AGBL1: variants seen among roughly 807,000 people sequenced by gnomAD.
AGBL1 encodes cytosolic carboxypeptidase 4.
Under a neutral mutation model 118.9 loss-of-function variants are expected in AGBL1, and 130 were observed. The observed-to-expected ratio is 1.09, with a 90% CI of 0.95 to 1.26. AGBL1 has a LOEUF of 1.26. Ranked by LOEUF, AGBL1 falls within the 50% of genes most tolerant of loss-of-function variation. The pLI, the probability that AGBL1 is intolerant of heterozygous loss-of-function variation, is 0.00. For missense variants in AGBL1, 1,584 were observed against 1,298.1 expected (o/e 1.22, Z -3.38); for synonymous variants, 555 against 478.9 (o/e 1.16, Z -2.08).
At chr15:86,504,839 C>A (rs1048436355) in intron 18 of AGBL1, among the ~76,000 whole-genome samples, 1 of 151,546 alleles carries the variant, frequency 6.6e-6, no homozygotes, top group East Asian at 1.9e-4. Flanking sequence ...TTTATATTTA[C>A]GTATGTATTA....
intron 22 of AGBL1, among the ~76,000 whole-genome samples, chr15:86,895,084 T>TTATC (rs780347947): frequency 1.6e-4 from 25 of 152,026 alleles, no homozygotes; most frequent in Non-Finnish European, 2.5e-4. Flanking sequence ...TCCCTTTCTT[T>TTATC]TATCTTCCCT....
At chr15:86,555,903 A>G (rs2083726994) in intron 21 of AGBL1, among the ~76,000 whole-genome samples, 1 of 152,146 alleles carries the variant, frequency 6.6e-6, no homozygotes, top group Non-Finnish European at 1.5e-5. Flanking sequence ...AACGTATAAG[A>G]TTGGAAAAAA....
chr15:86,161,111 G>C (rs912261866), intron 5 of AGBL1, among the ~76,000 whole-genome samples: 36 of 152,326 alleles, frequency 2.4e-4, no homozygotes, highest in African/African-American at 8.7e-4. Flanking sequence ...AAGGGAGTGA[G>C]AGTAGGGTGC....
At chr15:86,730,534 G>A (rs1454651397) in intron 22 of AGBL1, among the ~76,000 whole-genome samples, 2 of 151,908 alleles carry the variant, frequency 1.3e-5, no homozygotes, top group African/African-American at 2.4e-5. Context: ...CATCATCCCA[G>A]GCTTATTCAG....
intron 16 of AGBL1, among the ~76,000 whole-genome samples, chr15:86,290,833 C>T (rs968046494): frequency 6.6e-6 from 1 of 151,920 alleles, no homozygotes; most frequent in African/African-American, 2.4e-5. Flanking sequence ...AATGCCATCC[C>T]TCCCCCTTCC....
intron 18 of AGBL1, among the ~76,000 whole-genome samples, chr15:86,404,189 G>A (rs192289101): frequency 1.1e-4 from 17 of 152,242 alleles, no homozygotes; most frequent in South Asian, 4.1e-4. Flanking sequence ...AAGCCATGGC[G>A]CAGCCTTGCC....
At chr15:86,821,459 C>T (rs1415138228) in intron 22 of AGBL1, among the ~76,000 whole-genome samples, 1 of 152,056 alleles carries the variant, frequency 6.6e-6, no homozygotes, top group African/African-American at 2.4e-5. Context: ...CGTGAAAAAA[C>T]TGAAAGTAAT....
intron 21 of AGBL1, among the ~76,000 whole-genome samples, chr15:86,600,062 A>C (rs537010704): frequency 6.6e-6 from 1 of 152,114 alleles, no homozygotes; most frequent in South Asian, 2.1e-4. Flanking sequence ...TTTTGAATTA[A>C]TTTTTGAATA....
intron 21 of AGBL1, among the ~76,000 whole-genome samples, chr15:86,608,966 C>T (rs1213964051): frequency 2.0e-5 from 3 of 152,128 alleles, no homozygotes; most frequent in Non-Finnish European, 4.4e-5. Context: ...GAAACTGCAT[C>T]TTGGCAAACA....
intron 17 of AGBL1, among the ~76,000 whole-genome samples, chr15:86,303,529 A>C (rs1423177868): frequency 1.3e-5 from 2 of 152,156 alleles, no homozygotes; most frequent in Non-Finnish European, 2.9e-5. Context: ...TCGGGGGATA[A>C]GAAGTTTGGT....
At chr15:86,870,865 G>A (rs1331969004) in intron 22 of AGBL1, among the ~76,000 whole-genome samples, 1 of 152,168 alleles carries the variant, frequency 6.6e-6, no homozygotes, top group African/African-American at 2.4e-5. Context: ...AGTTTGGCCA[G>A]TTGGCTACAG....
At chr15:86,353,478 A>G (rs1422953694) in intron 17 of AGBL1, among the ~76,000 whole-genome samples, 1 of 152,228 alleles carries the variant, frequency 6.6e-6, no homozygotes, top group African/African-American at 2.4e-5. Flanking sequence ...GAGAACATTA[A>G]TGAAACCCAT....
intron 24 of AGBL1, chr15:87,028,684 G>T (rs1201241417): frequency 1.4e-6 from 1 of 693,734 alleles, no homozygotes; most frequent in Non-Finnish European, 2.4e-6. Flanking sequence ...TAATCTAAAT[G>T]TAAGTATGAT....
In AGBL1 at chr15:86,298,246, A is replaced by ATTATATATATATATATAT. The variant is rs1555462936; in HGVS notation, c.2374+2838_2374+2839insTTATATATATATATATAT. ...GTATACAGGGTACGTGTCTGTGTAT[A>ATTATATATATATATATAT]ATATATATATATATATATATATATA... On this transcript the variant is annotated intron_variant, in intron 17 of 22. Transcript: ENST00000614907. 1.8e-3 allele frequency among the ~76,000 whole-genome samples: 123 copies of ATTATATATATATATATAT among 69,804 alleles called. 4 individuals carry two copies. Among genetic ancestry groups the ATTATATATATATATATAT allele is most frequent in the Middle Eastern group, 6.6e-3 (1 of 152 alleles). 45.8% of individuals were successfully genotyped at this position (69,804 alleles called of 152,430 possible).
chr15:86,774,783 T>G lies in AGBL1; in HGVS notation c.3158+100347T>G, dbSNP rs537245713. On this transcript the variant is annotated intron_variant, in intron 22 of 22. Coordinates refer to ENST00000614907, the MANE Select transcript of AGBL1 (RefSeq NM_001386094.1). ...CCAGGAGACACAAGCAGGGCATATTTCTTGAATGAATAGTTCACTGTGGCT... is the reference window on the plus strand; with the variant it reads ...CCAGGAGACACAAGCAGGGCATATTGCTTGAATGAATAGTTCACTGTGGCT... Among the ~76,000 whole-genome samples, 6 of 152,206 alleles carry G rather than the reference T, an allele frequency of 3.9e-5. No individual in the cohort carries two copies. In the South Asian group the frequency reaches 1.2e-3, roughly 32 times the overall value.
At chr15:86,775,548 T>G (rs2141296406) in intron 22 of AGBL1, among the ~76,000 whole-genome samples, 1 of 152,184 alleles carries the variant, frequency 6.6e-6, no homozygotes. Context: ...TGTCAATATC[T>G]CATACTCTCT....
intron 18 of AGBL1, among the ~76,000 whole-genome samples, chr15:86,430,741 T>C (rs1223706058): frequency 3.9e-5 from 6 of 152,134 alleles, no homozygotes; most frequent in Admixed American, 3.9e-4. Flanking sequence ...CAGGTGATAA[T>C]TGGGGTTTTA....
intron 21 of AGBL1, among the ~76,000 whole-genome samples, chr15:86,655,582 C>A (rs1046638130): frequency 3.3e-5 from 5 of 151,996 alleles, no homozygotes; most frequent in African/African-American, 1.2e-4. Context: ...TACATCGTAC[C>A]TCTAGGAAAG....
chr15:86,312,630 C>A (rs2141826414), intron 17 of AGBL1, among the ~76,000 whole-genome samples: 1 of 152,306 alleles, frequency 6.6e-6, no homozygotes. Context: ...ATCTTCCCTG[C>A]AGCTGATTTT....
Sources: allele counts gnomAD v4.1 joint callset (sites outside exome capture counted in the v4.1 genomes callset), GRCh38; gene constraint gnomAD v4.1.1; transcripts MANE v1.5; gene names NCBI Gene and HGNC (gene_info 2026-07-23, HGNC 2026-07-21).